The following ZFAT variants were observed in gnomAD, a reference collection of about 807,000 sequenced individuals.
The protein encoded by ZFAT is zinc finger and AT-hook domain containing.
ZFAT carries 64 observed loss-of-function variants against 117.7 expected under a neutral mutation model. That is an observed-to-expected ratio of 0.54 (90% CI 0.44 to 0.67). The LOEUF is 0.67. ZFAT is among the 30% of genes least tolerant of loss of function. The pLI is 0.00. For missense variants in ZFAT, 1,433 were observed against 1,584.5 expected (o/e 0.90, Z 1.62); for synonymous variants, 679 against 615.0 (o/e 1.10, Z -1.54).
intron 1 of ZFAT, among the ~76,000 whole-genome samples, chr8:134,694,865 C>A (rs1238978493): frequency 1.3e-5 from 2 of 152,170 alleles, no homozygotes; most frequent in Non-Finnish European, 2.9e-5. Context: ...AATCCATTAC[C>A]GTAGTTATCA....
the ZFAT span, among the ~76,000 whole-genome samples, chr8:134,779,562 T>C: frequency 2.0e-5 from 3 of 152,192 alleles, no homozygotes; most frequent in Non-Finnish European, 4.4e-5. Context: ...TGTGAGTGTC[T>C]TATATCCTAA....
the ZFAT span, chr8:134,723,448 CCAGGCCTG>C: frequency 6.6e-6 from 1 of 152,536 alleles, no homozygotes; most frequent in African/African-American, 2.4e-5. Context: ...TCGCCTCACC[CCAGGCCTG>C]CAGGCATGCG....
intron 1 of ZFAT, among the ~76,000 whole-genome samples, chr8:134,663,834 A>G (rs1398658664): frequency 6.6e-6 from 1 of 152,224 alleles, no homozygotes; most frequent in Non-Finnish European, 1.5e-5. Flanking sequence ...AAAGGATAAC[A>G]CAGCAGACCC....
the ZFAT span, among the ~76,000 whole-genome samples, chr8:134,806,544 G>T: frequency 6.6e-6 from 1 of 152,180 alleles, no homozygotes; most frequent in South Asian, 2.1e-4. Context: ...CTTGACTAAT[G>T]AGGATGCTGC....
Position 134,637,531 on chromosome 8 carries a change from G to A in ZFAT, c.378C>T (p.Ser126=). 1.2e-6 allele frequency: 2 copies of A among 1,614,194 alleles called. No individual in the cohort carries two copies. The highest frequency in any genetic ancestry group is 1.7e-6 in the Non-Finnish European group (2 of 1,180,022). The part of the protein sequence containing the change: ...LECSKCCRKF[S]NTRQLRKHIC... ...TGTGCTTCCGCAGCTGGCGCGTGTTGGAGAACTTCCGACAGCACTTGCTAC... is the reference window on the plus strand; with the variant it reads ...TGTGCTTCCGCAGCTGGCGCGTGTTAGAGAACTTCCGACAGCACTTGCTAC... The change falls in exon 3 of 16, where the codon TCC becomes TCT. Residue 126 remains serine (S), a synonymous_variant. Transcript: ENST00000377838.
intron 11 of ZFAT, among the ~76,000 whole-genome samples, chr8:134,556,121 A>G (rs539634833): frequency 3.9e-5 from 6 of 152,128 alleles, no homozygotes; most frequent in Non-Finnish European, 7.4e-5. Flanking sequence ...AAGAAAAAGA[A>G]AAGAACCAAA....
At chr8:134,582,502 T>C (rs1270682022) in intron 10 of ZFAT, among the ~76,000 whole-genome samples, 2 of 152,236 alleles carry the variant, frequency 1.3e-5, no homozygotes, top group Non-Finnish European at 2.9e-5. Context: ...TTATTGTTTG[T>C]GGAGGCGTAG....
chr8:134,761,339 C>G, the ZFAT span, among the ~76,000 whole-genome samples: 1 of 151,946 alleles, frequency 6.6e-6, no homozygotes, highest in Non-Finnish European at 1.5e-5. Context: ...AGAGTTATGA[C>G]AGTGGAAGAA....
At chr8:134,532,775 T>TG in intron 12 of ZFAT, 59 bp downstream of exon 12, 1 of 1,586,674 alleles carries the variant, frequency 6.3e-7, no homozygotes, top group Non-Finnish European at 8.5e-7. Context: ...CTCTTCCCAA[T>TG]GGGGGACTTG....
chr8:134,738,260 C>G, the ZFAT span, among the ~76,000 whole-genome samples: 1 of 152,122 alleles, frequency 6.6e-6, no homozygotes, highest in African/African-American at 2.4e-5. Context: ...CTCAATATCA[C>G]CAAGCTTGGG....
At chr8:134,722,992 C>T in the ZFAT span, 1 of 152,230 alleles carries the variant, frequency 6.6e-6, no homozygotes, top group Non-Finnish European at 1.5e-5. Context: ...ATCTACGAGC[C>T]ACCTTCTACA....
chr8:134,602,336 G>A lies in ZFAT; in HGVS notation c.1383C>T (p.Ala461=), dbSNP rs115542684. 7.4e-5 allele frequency: 119 copies of A among 1,613,828 alleles called. No homozygotes were observed. The African/African-American group carries it at 1.2e-3, about 16-fold the overall frequency. ...AGCTGACGAACTTCTTGCGGCAGAC[G>A]GCACAGACGTACACGAAGGGGTGCT... ...VRKHPFVYVC[A]VCRKKFVSSI... is the part of the protein sequence containing the mutation. The change falls in exon 6 of 16, where the codon GCC becomes GCT. Residue 461 remains alanine (A), a synonymous_variant. Coordinates refer to ENST00000377838, the MANE Select transcript of ZFAT (RefSeq NM_020863.4).
chr8:134,823,410 G>C, the ZFAT span, among the ~76,000 whole-genome samples: 3 of 152,128 alleles, frequency 2.0e-5, no homozygotes, highest in African/African-American at 7.2e-5. Context: ...CATGTATTGA[G>C]TATTTTCTGT....
At chr8:134,644,326 G>A (rs913064804) in intron 2 of ZFAT, among the ~76,000 whole-genome samples, 1 of 152,202 alleles carries the variant, frequency 6.6e-6, no homozygotes, top group Non-Finnish European at 1.5e-5. Context: ...TCTGAAATCA[G>A]AGAGAAAATG....
chr8:134,715,004 C>T (rs1456051906), upstream of ZFAT, among the ~76,000 whole-genome samples: 1 of 152,160 alleles, frequency 6.6e-6, no homozygotes, highest in East Asian at 1.9e-4. Context: ...CATTGATGAG[C>T]GTTTCCTTTT....
intron 5 of ZFAT, among the ~76,000 whole-genome samples, chr8:134,607,242 C>T (rs376770293): frequency 6.6e-6 from 1 of 152,264 alleles, no homozygotes; most frequent in South Asian, 2.1e-4. Context: ...ATTTTAGAGA[C>T]TTAATTCTAT....
chr8:134,745,230 G>A, the ZFAT span, among the ~76,000 whole-genome samples: 8 of 152,196 alleles, frequency 5.3e-5, no homozygotes, highest in Non-Finnish European at 1.2e-4. Flanking sequence ...ATGTTCACCA[G>A]GGGTGGAGCC....
Position 134,478,809 on chromosome 8 carries a change from A to G in ZFAT, c.3493-88T>C. 6.7e-7 allele frequency: 1 copy of G among 1,489,158 alleles called. No individual in the cohort carries two copies. The highest frequency in any genetic ancestry group is 9.0e-7 in the Non-Finnish European group (1 of 1,116,720). 92.2% of individuals were successfully genotyped at this position (1,489,158 alleles called of 1,614,324 possible). ...AAGTCACAACTACAGTTTAGGAGGC[A>G]CCAGTGCGCTGCGGGAGCACGTCCA... On this transcript the variant is annotated intron_variant, in intron 15 of 15. Coordinates refer to ENST00000377838, the MANE Select transcript of ZFAT (RefSeq NM_020863.4). This position sits in a 1 kb window ranked among gnomAD's most constrained non-coding sequence, Gnocchi z 5.2.
intron 9 of ZFAT, 26 bp from the exon 10 acceptor site, chr8:134,584,031 T>A: frequency 1.3e-6 from 2 of 1,543,954 alleles, no homozygotes. Context: ...TGTATATATC[T>A]CTATATATTT....
Sources: gnomAD v4.1 joint callset for allele counts (sites outside exome capture counted in the v4.1 genomes callset) on GRCh38, gnomAD v4.1.1 for gene constraint, Gnocchi (gnomAD v3.1) non-coding constraint, MANE v1.5 for transcripts, NCBI Gene and HGNC (gene_info 2026-07-23, HGNC 2026-07-21) for gene names.